FAM117A: variants seen among roughly 807,000 people sequenced by gnomAD.
The protein encoded by FAM117A is family with sequence similarity 117 member A.
FAM117A carries 21 observed loss-of-function variants against 44.1 expected under a neutral mutation model. The observed-to-expected ratio is 0.48, with a 90% CI of 0.34 to 0.69. FAM117A has a LOEUF of 0.69. Among genes scored for constraint, FAM117A ranks in the 30% least tolerant of loss-of-function variants. The pLI, the probability that FAM117A is intolerant of heterozygous loss-of-function variation, is 0.01. For missense variants in FAM117A, 498 were observed against 589.9 expected, an observed-to-expected ratio of 0.84 and a Z score of 1.61; for synonymous variants, 220 against 238.3, an observed-to-expected ratio of 0.92 and a Z score of 0.71.
In FAM117A at chr17:49,785,490, G is replaced by A. The variant is rs528456129; in HGVS notation, c.-621+3007C>T. Among the ~76,000 whole-genome samples the A allele has an allele frequency of 1.4e-4, 21 of 152,256 alleles. No homozygotes were observed. In the South Asian group the frequency reaches 4.1e-3, roughly 30 times the overall value. ...TGTGCCACTGCACTCCAGACTGGGT[G>A]ACAAGAGTGAGACACTGTCTCTTAA... On this transcript the variant is annotated intron_variant, in intron 1 of 7. Coordinates refer to the FAM117A transcript ENST00000513602.
intron 1 of FAM117A, among the ~76,000 whole-genome samples, chr17:49,771,623 T>C (rs1157793013): frequency 6.6e-6 from 1 of 152,224 alleles, no homozygotes; most frequent in African/African-American, 2.4e-5. Context: ...AATTAAAGTT[T>C]ACTCTAGTTC....
intron 1 of FAM117A, among the ~76,000 whole-genome samples, chr17:49,756,049 A>T (rs903572636): frequency 6.6e-6 from 1 of 152,218 alleles, no homozygotes; most frequent in African/African-American, 2.4e-5. Context: ...AAGGGACTCA[A>T]GAGGTTTGAG....
At chr17:49,743,030 G>A (rs2073640883) in intron 1 of FAM117A, among the ~76,000 whole-genome samples, 1 of 152,146 alleles carries the variant, frequency 6.6e-6, no homozygotes, top group Non-Finnish European at 1.5e-5. Flanking sequence ...GTAGACAGGT[G>A]AACTGATTTC....
intron 1 of FAM117A, among the ~76,000 whole-genome samples, chr17:49,734,053 G>A (rs921712015): frequency 2.7e-5 from 4 of 150,936 alleles, no homozygotes; most frequent in Non-Finnish European, 5.9e-5. Flanking sequence ...TGAGGCAGGA[G>A]AATGGTGTGA....
intron 2 of FAM117A, among the ~76,000 whole-genome samples, chr17:49,724,041 A>G (rs769743984): frequency 2.3e-4 from 35 of 152,142 alleles, no homozygotes; most frequent in Admixed American, 2.2e-3. Context: ...CACAAACCCT[A>G]AAGCCATATA....
chr17:49,747,288 A>C (rs1046901594), intron 1 of FAM117A: 4 of 152,176 alleles, frequency 2.6e-5, no homozygotes, highest in African/African-American at 9.7e-5. Context: ...GCTAGCCACA[A>C]GCAGAAGTCT....
At chr17:49,715,541 G>GAATCATT (rs2073498317) in intron 7 of FAM117A, among the ~76,000 whole-genome samples, 1 of 152,196 alleles carries the variant, frequency 6.6e-6, no homozygotes, top group Non-Finnish European at 1.5e-5. Context: ...CGGCTAATGG[G>GAATCATT]AGGAAAGTGT....
intron 1 of FAM117A, among the ~76,000 whole-genome samples, chr17:49,762,969 A>G (rs1485571818): frequency 6.6e-6 from 1 of 152,162 alleles, no homozygotes; most frequent in Non-Finnish European, 1.5e-5. Flanking sequence ...TGCTGTTCAG[A>G]AAGTGGGGTA....
upstream of FAM117A, among the ~76,000 whole-genome samples, chr17:49,764,575 C>T (rs779750988): frequency 2.0e-5 from 3 of 152,194 alleles, no homozygotes; most frequent in Non-Finnish European, 2.9e-5. Flanking sequence ...TCAAACTTTA[C>T]ACAGTTGAGT....
At chr17:49,732,327 C>G in intron 2 of FAM117A, 1 of 372,208 alleles carries the variant, frequency 2.7e-6, no homozygotes, top group Non-Finnish European at 5.0e-6. Context: ...ATCACTTGAA[C>G]CCGGGAGGCA....
intron 7 of FAM117A, among the ~76,000 whole-genome samples, chr17:49,712,200 C>A (rs1453427257): frequency 6.6e-6 from 1 of 152,084 alleles, no homozygotes; most frequent in African/African-American, 2.4e-5. Flanking sequence ...GGGGACAGAC[C>A]ACATGCCTGA....
intron 1 of FAM117A, among the ~76,000 whole-genome samples, chr17:49,776,158 T>A (rs1029370266): frequency 6.6e-6 from 1 of 152,238 alleles, no homozygotes; most frequent in Non-Finnish European, 1.5e-5. Flanking sequence ...TTCTACTTGC[T>A]GGGCGCTGAC....
Position 49,720,266 on chromosome 17 carries a change from C to T in FAM117A, c.573+60G>A, listed in dbSNP as rs1172738363. 3.0e-6 allele frequency: 4 copies of T among 1,350,286 alleles called. No individual in the cohort carries two copies. The East Asian group carries it at 6.9e-5, about 23-fold the overall frequency. The allele number at this position is 1,350,286 out of a possible 1,614,324, so 83.6% of individuals were successfully genotyped here. Reference sequence around the variant, plus strand: ...TTCCAAGACCCAGGAAACCTCTGCCCATATAGGGGGGCCTGCATGGAGGAG... The same window carrying T: ...TTCCAAGACCCAGGAAACCTCTGCCTATATAGGGGGGCCTGCATGGAGGAG... On this transcript the variant is annotated intron_variant, in intron 4 of 7. Transcript: ENST00000240364.
At chr17:49,719,727 T>C in intron 5 of FAM117A, 33 bp downstream of exon 5, 1 of 1,525,758 alleles carries the variant, frequency 6.6e-7, no homozygotes, top group South Asian at 1.3e-5. Context: ...AGGCACGGAC[T>C]GTGGGTGCAC....
chr17:49,773,043 C>A (rs979338827), intron 1 of FAM117A, among the ~76,000 whole-genome samples: 2 of 151,860 alleles, frequency 1.3e-5, no homozygotes, highest in South Asian at 4.2e-4. Context: ...TGGTGGCTCA[C>A]AACTGTAATC....
intron 1 of FAM117A, among the ~76,000 whole-genome samples, chr17:49,775,748 C>T (rs559301290): frequency 1.3e-5 from 2 of 152,170 alleles, no homozygotes; most frequent in African/African-American, 4.8e-5. Context: ...AGCCTGTATT[C>T]TGCTGGGGTA....
chr17:49,719,965 G>A, intron 4 of FAM117A, 71 bp from the exon 5 acceptor site: 2 of 1,531,340 alleles, frequency 1.3e-6, no homozygotes, highest in Admixed American at 2.3e-5. Flanking sequence ...TTCTGACCAG[G>A]GGTAATGGTC....
chr17:49,779,861 A>C (rs948109397), intron 1 of FAM117A, among the ~76,000 whole-genome samples: 4 of 152,192 alleles, frequency 2.6e-5, no homozygotes, highest in Non-Finnish European at 5.9e-5. Context: ...TCTTTGGAAA[A>C]TGTGGTTTGG....
rs1272550033 is a variant in FAM117A at position 49,710,366 on chromosome 17, A to C, written c.*889T>G. The C allele has an allele frequency of 2.0e-5, 3 of 152,648 alleles. No homozygotes were observed. The highest frequency in any genetic ancestry group is 4.4e-5 in the Non-Finnish European group (3 of 68,052). 9.5% of individuals were successfully genotyped at this position (152,648 alleles called of 1,614,324 possible). A position where few individuals can be genotyped will look rare whatever the true frequency, so the allele number is the denominator to read the frequency against. ...TATTTATTTATTTATTTGGTCTATT[A>C]ACACCAAGATCTGCAAAAAACAACC... is the stretch of plus-strand genomic sequence containing the variant. On this transcript the variant is annotated 3_prime_UTR_variant, in exon 8 of 8. Transcript: ENST00000240364.
Sources: gnomAD v4.1 joint callset for allele counts (sites outside exome capture counted in the v4.1 genomes callset) on GRCh38, gnomAD v4.1.1 for gene constraint, MANE v1.5 for transcripts, NCBI Gene and HGNC (gene_info 2026-07-23, HGNC 2026-07-21) for gene names.